ELK1: variants seen among roughly 807,000 people sequenced by gnomAD.
ELK1 encodes the protein ETS domain-containing protein Elk-1.
For synonymous variants in ELK1, 163 were observed against 176.3 expected, an observed-to-expected ratio of 0.92 and a Z score of 0.60; for missense variants, 254 against 381.5, an observed-to-expected ratio of 0.67 and a Z score of 2.78.
At chrX:47,642,116 G>A (rs780026455) in intron 2 of ELK1, among the ~76,000 whole-genome samples, 20 of 111,653 alleles carry the variant, frequency 1.8e-4, no homozygotes, top group African/African-American at 6.5e-4. Context: ...AGGAAACAGG[G>A]ACTTCAGTCC....
At chrX:47,642,194 C>G (rs983696045) in intron 2 of ELK1, among the ~76,000 whole-genome samples, 1 of 112,300 alleles carries the variant, frequency 8.9e-6, no homozygotes, top group Non-Finnish European at 1.9e-5. Context: ...CCCCTAGAGC[C>G]TCCAGAAGGA....
In ELK1 at chrX:47,636,805, G is replaced by GGGT. The variant is rs748638247; in HGVS notation, c.*21_*23dup. The GGGT allele has an allele frequency of 1.1e-5, 12 of 1,105,597 alleles. No individual in the cohort carries two copies. The highest frequency in any genetic ancestry group is 6.6e-5 in the East Asian group (2 of 30,319). 91.1% of individuals were successfully genotyped at this position (1,105,597 alleles called of 1,213,427 possible). ...AGCATGGATGGAGTGACCCCAGAAG[G>GGGT]GGTGGTGGTGGTGGTGGTAGTAGTC... On this transcript the variant is annotated 3_prime_UTR_variant, in exon 7 of 7. Coordinates refer to ENST00000376983, the MANE Select transcript of ELK1 (RefSeq NM_001114123.3).
intron 2 of ELK1, among the ~76,000 whole-genome samples, chrX:47,644,410 G>A (rs1298058922): frequency 1.8e-5 from 2 of 111,456 alleles, no homozygotes; most frequent in African/African-American, 3.3e-5. Flanking sequence ...AGTCGAGAAC[G>A]CAACAGACAA....
chrX:47,642,906 C>T (rs1478504257), intron 2 of ELK1, among the ~76,000 whole-genome samples: 3 of 111,555 alleles, frequency 2.7e-5, no homozygotes. Flanking sequence ...GTGCTCGGCC[C>T]TGAATATTCT....
chrX:47,642,559 T>G (rs1166042386), intron 2 of ELK1, among the ~76,000 whole-genome samples: 1 of 110,317 alleles, frequency 9.1e-6, no homozygotes, highest in Non-Finnish European at 1.9e-5. Context: ...GATCTCTCTG[T>G]CCTGTTACTG....
intron 2 of ELK1, among the ~76,000 whole-genome samples, chrX:47,645,279 G>A (rs750641055): frequency 9.0e-5 from 10 of 111,357 alleles, no homozygotes; most frequent in Admixed American, 6.6e-4. Flanking sequence ...GATCCTTACC[G>A]TGGGCTGCAC....
In ELK1 at chrX:47,639,111, T is replaced by C. The variant is rs754280405; in HGVS notation, c.438A>G (p.Ala146=). ...GAGMAGPGGL[A]RSSRNEYMRS... ...GCATGTACTCGTTCCGGCTGCTGCG[T>C]GCCAAACCGCCTGGGCCTGCCATTC... The change falls in exon 4 of 7, where the codon GCA becomes GCG. Residue 146 remains alanine, a synonymous_variant. Transcript: ENST00000376983. The C allele has an allele frequency of 1.7e-6, 2 of 1,202,498 alleles. No individual in the cohort carries two copies. The highest frequency in any genetic ancestry group is 6.0e-5 in the East Asian group (2 of 33,504).
In ELK1 at chrX:47,647,160, GTTTT is replaced by G. The variant is rs34192257; in HGVS notation, c.-35+2757_-35+2760del. On this transcript the variant is annotated intron_variant, in intron 2 of 6. Transcript: ENST00000376983. ...CACATAGTCTGTCTCCCCAGCTTGGGTTTTTTTTTTTTTTTTTTTGAGACAGAGT... is the reference window on the plus strand; with the variant it reads ...CACATAGTCTGTCTCCCCAGCTTGGGTTTTTTTTTTTTTTTGAGACAGAGT... 3.7e-5 allele frequency among the ~76,000 whole-genome samples: 3 copies of G among 81,058 alleles called. No individual in the cohort carries two copies. In the South Asian group the frequency reaches 1.8e-3, roughly 48 times the overall value. The allele number at this position is 81,058 out of a possible 115,157, so 70.4% of individuals were successfully genotyped here.
In ELK1 at chrX:47,636,796, C is replaced by T. The variant is rs552707376; in HGVS notation, c.*33G>A. 1.8e-6 allele frequency: 2 copies of T among 1,099,371 alleles called. No individual in the cohort carries two copies. The highest frequency in any genetic ancestry group is 2.9e-5 in the Admixed American group (1 of 33,960). The allele number at this position is 1,099,371 out of a possible 1,213,427, so 90.6% of individuals were successfully genotyped here. On this transcript the variant is annotated 3_prime_UTR_variant, in exon 7 of 7. Transcript: ENST00000376983. Reference sequence around the variant, plus strand: ...GCTGGAGAGAGCATGGATGGAGTGACCCCAGAAGGGGTGGTGGTGGTGGTG... The same window carrying T: ...GCTGGAGAGAGCATGGATGGAGTGATCCCAGAAGGGGTGGTGGTGGTGGTG...
chrX:47,643,494 G>C (rs1287218244), intron 2 of ELK1, among the ~76,000 whole-genome samples: 3 of 111,604 alleles, frequency 2.7e-5, no homozygotes, highest in Non-Finnish European at 1.9e-5. Flanking sequence ...AATGAAACAA[G>C]GCCCTTTCTG....
At position 47,637,067 on chromosome X, in the gene ELK1, G is replaced by A; in HGVS notation, c.1134C>T (p.Phe378=). Residue 378 remains phenylalanine (F), a synonymous_variant, in exon 6 of 7, where the codon TTC becomes TTT. Transcript: ENST00000376983. ...TPSSLPPSIH[F]WSTLSPIAPR... ...GCGCAATGGGACTCAGGGTGCTCCA[G>A]AAGTGAATGCTAGGAGGCAGCGAGC... 1 of 1,210,490 alleles carries A rather than the reference G, an allele frequency of 8.3e-7. No homozygotes were observed. Among genetic ancestry groups the A allele is most frequent in the Non-Finnish European group, 1.1e-6 (1 of 895,083 alleles).
intron 5 of ELK1, 99 bp downstream of exon 5, chrX:47,637,651 CA>C (rs2058013185): frequency 4.0e-6 from 4 of 1,006,008 alleles, no homozygotes; most frequent in Non-Finnish European, 5.3e-6. Flanking sequence ...TCTTCAGGAA[CA>C]ACCACACTCA....
In ELK1 at chrX:47,635,712, G is replaced by C. The variant is rs1351761578; in HGVS notation, c.*1117C>G. The C allele has an allele frequency of 1.8e-5, 2 of 111,064 alleles. No individual in the cohort carries two copies. The highest frequency in any genetic ancestry group is 3.3e-5 in the African/African-American group (1 of 30,344). The allele number at this position is 111,064 out of a possible 1,213,427, so 9.2% of individuals were successfully genotyped here. A position where few individuals can be genotyped will look rare whatever the true frequency, so the allele number is the denominator to read the frequency against. ...TAACAGGTGAGCCCAGGAGTCTTTTGAACCCACTCTCTCTTGCCTAGAATA... is the reference window on the plus strand; with the variant it reads ...TAACAGGTGAGCCCAGGAGTCTTTTCAACCCACTCTCTCTTGCCTAGAATA... On this transcript the variant is annotated 3_prime_UTR_variant, in exon 7 of 7. Transcript: ENST00000376983.
rs767628955 is a variant in ELK1, at chrX:47,638,177, G to A, written c.660C>T (p.Ile220=). 2 of 1,208,555 alleles carry A rather than the reference G, an allele frequency of 1.7e-6. No homozygotes were observed. The highest frequency in any genetic ancestry group is 5.9e-5 in the East Asian group (2 of 33,762). Residue 220 remains isoleucine (I), a synonymous_variant, in exon 5 of 7, where the codon ATC becomes ATT. Transcript: ENST00000376983. ...AEEAGLPLQV[I]LTPPEAPNLK... ...GGTTTGGGGCCTCGGGCGGGGTCAGGATGACCTGGTAGAGGAGCAGGCACA... is the reference window on the plus strand; with the variant it reads ...GGTTTGGGGCCTCGGGCGGGGTCAGAATGACCTGGTAGAGGAGCAGGCACA...
chrX:47,645,833 G>A (rs974373052), intron 2 of ELK1, among the ~76,000 whole-genome samples: 1 of 111,750 alleles, frequency 8.9e-6, no homozygotes, highest in Non-Finnish European at 1.9e-5. Context: ...CTTCCTCTGC[G>A]TGATCAAAGG....
At chrX:47,647,987 T>C (rs1467991664) in intron 2 of ELK1, among the ~76,000 whole-genome samples, 1 of 112,505 alleles carries the variant, frequency 8.9e-6, no homozygotes, top group Non-Finnish European at 1.9e-5. Context: ...TGCCTTTGTA[T>C]AGTATATTCT....
chrX:47,637,571 C>A (rs2058012935), intron 5 of ELK1, among the ~76,000 whole-genome samples, 180 bp downstream of exon 5: 1 of 111,281 alleles, frequency 9.0e-6, no homozygotes, highest in African/African-American at 3.3e-5. Flanking sequence ...CCCAGCCCTG[C>A]CCTTCACTAA....
intron 2 of ELK1, among the ~76,000 whole-genome samples, chrX:47,648,385 G>A (rs1054870654): frequency 3.6e-5 from 4 of 112,567 alleles, no homozygotes; most frequent in Admixed American, 9.4e-5. Flanking sequence ...AGCATATTAC[G>A]TACCTCAGTC....
Position 47,638,131 on chromosome X carries a change from C to T in ELK1, c.706G>A (p.Val236Met). The T allele has an allele frequency of 3.3e-6, 4 of 1,210,742 alleles. No individual in the cohort carries two copies. Among genetic ancestry groups the T allele is most frequent in the Non-Finnish European group, 4.5e-6 (4 of 895,067 alleles). Residue 236 changes from valine to methionine, a missense_variant, in exon 5 of 7, where the codon GTG becomes ATG. By Grantham distance (21) the Val-to-Met change is conservative. Coordinates refer to ENST00000376983, the MANE Select transcript of ELK1 (RefSeq NM_001114123.3). ...AAAGCCCGGCCCAAACCCGGCTCCA[C>T]ATTAAGCTCTTCCGATTTCAGGTTT... ...APNLKSEELN[V>M]EPGLGRALPP...
Sources: allele counts gnomAD v4.1 joint callset (sites outside exome capture counted in the v4.1 genomes callset), GRCh38; gene constraint gnomAD v4.1.1; transcripts MANE v1.5; gene names NCBI Gene and HGNC (gene_info 2026-07-23, HGNC 2026-07-21).